SLC9A9: variants seen among roughly 807,000 people sequenced by gnomAD.
SLC9A9 encodes sodium/hydrogen exchanger 9.
Under a neutral mutation model 77.8 loss-of-function variants are expected in SLC9A9, and 62 were observed. That is an observed-to-expected ratio of 0.80 (90% CI 0.65 to 0.98). The LOEUF is 0.98. SLC9A9 is among the 50% of genes least tolerant of loss of function. The probability of loss-of-function intolerance (pLI) is 0.00; values close to 1 mark genes in which losing one functional copy is unlikely to be tolerated. For missense variants in SLC9A9, 775 were observed against 774.9 expected, an observed-to-expected ratio of 1.00 and a Z score of 0.00; for synonymous variants, 320 against 283.5, an observed-to-expected ratio of 1.13 and a Z score of -1.29.
intron 13 of SLC9A9, among the ~76,000 whole-genome samples, chr3:143,375,293 C>G (rs1429657850): frequency 7.1e-6 from 1 of 139,958 alleles, no homozygotes; most frequent in Non-Finnish European, 1.5e-5. Flanking sequence ...ATTAGAGGTG[C>G]CATTTTTTCA....
At chr3:143,593,140 A>T (rs1236301983) in intron 6 of SLC9A9, among the ~76,000 whole-genome samples, 3 of 152,184 alleles carry the variant, frequency 2.0e-5, no homozygotes, top group Non-Finnish European at 1.5e-5. Context: ...ACGGTTCATA[A>T]AGAAGAAAGG....
intron 14 of SLC9A9, among the ~76,000 whole-genome samples, chr3:143,283,228 C>A (rs769027602): frequency 6.6e-6 from 1 of 152,106 alleles, no homozygotes; most frequent in Non-Finnish European, 1.5e-5. Context: ...TTATTTTGGA[C>A]TTAGTTGATA....
chr3:143,554,160 T>C (rs1432747819), intron 8 of SLC9A9, among the ~76,000 whole-genome samples: 1 of 152,170 alleles, frequency 6.6e-6, no homozygotes, highest in Non-Finnish European at 1.5e-5. Context: ...AGCAAATAAA[T>C]TCATTGTAAG....
Position 143,648,974 on chromosome 3 carries a change from T to C in SLC9A9, c.755+3281A>G, listed in dbSNP as rs147463730. Among the ~76,000 whole-genome samples, 270 of 152,312 alleles carry C rather than the reference T, an allele frequency of 1.8e-3. 3 individuals carry two copies. The highest frequency in any genetic ancestry group is 0.014 in the Admixed American group (213 of 15,302). On this transcript the variant is annotated intron_variant, in intron 6 of 15. Coordinates refer to ENST00000316549, the MANE Select transcript of SLC9A9 (RefSeq NM_173653.4). ...CTGTTCATTTCACTGGATCCTTGAC[T>C]AAGCCATTTCTATTACCGGTGTTCA...
At chr3:143,386,738 C>A (rs1273488093) in intron 12 of SLC9A9, among the ~76,000 whole-genome samples, 1 of 152,178 alleles carries the variant, frequency 6.6e-6, no homozygotes, top group African/African-American at 2.4e-5. Context: ...CACAATTGAG[C>A]CACAAGGAGC....
rs779353929 is a variant in SLC9A9 at position 143,832,104 on chromosome 3, G to C, written c.293C>G (p.Thr98Ser). The C allele has an allele frequency of 2.5e-6, 4 of 1,613,108 alleles. No individual in the cohort carries two copies. The South Asian group carries it at 4.4e-5, about 18-fold the overall frequency. Residue 98 changes from threonine to serine, a missense_variant, in exon 2 of 16, where the codon ACT (threonine) becomes AGT (serine). Transcript: ENST00000316549. ...GTATTTATATTCATAAACTTGGTCA[G>C]TGATATTAACCAGCAGAGTTGATGG... ...FSPSTLLVNI[T>S]DQVYEYKYKR...
chr3:143,422,477 C>G (rs2034317928), intron 12 of SLC9A9, among the ~76,000 whole-genome samples: 1 of 152,160 alleles, frequency 6.6e-6, no homozygotes, highest in South Asian at 2.1e-4. Flanking sequence ...GGCCATCATC[C>G]TTAGCGAGTT....
At chr3:143,269,206 A>C (rs766194168) in intron 14 of SLC9A9, among the ~76,000 whole-genome samples, 13 of 152,374 alleles carry the variant, frequency 8.5e-5, no homozygotes, top group Non-Finnish European at 1.9e-4. Context: ...TGGATGGCCC[A>C]TGCTGCATCA....
intron 14 of SLC9A9, among the ~76,000 whole-genome samples, chr3:143,310,127 G>A (rs1213618100): frequency 6.6e-6 from 1 of 152,202 alleles, no homozygotes; most frequent in Non-Finnish European, 1.5e-5. Flanking sequence ...GCCTTCTCCT[G>A]CTGCAGTGCT....
chr3:143,402,198 T>A (rs7624765), intron 12 of SLC9A9, among the ~76,000 whole-genome samples: 90,319 of 151,998 alleles, frequency 0.59, 26,889 homozygotes, highest in South Asian at 0.66. Context: ...ACAGTTTTTT[T>A]AAAAAAATTT....
At chr3:143,820,073 A>C (rs1362564372) in intron 2 of SLC9A9, among the ~76,000 whole-genome samples, 1 of 152,244 alleles carries the variant, frequency 6.6e-6, no homozygotes, top group Non-Finnish European at 1.5e-5. Flanking sequence ...GCCAGACACT[A>C]TTCTAAGTGC....
intron 12 of SLC9A9, among the ~76,000 whole-genome samples, chr3:143,441,979 C>A (rs1332150236): frequency 6.6e-6 from 1 of 151,884 alleles, no homozygotes; most frequent in African/African-American, 2.4e-5. Flanking sequence ...ACCTGACCAC[C>A]CATACCCTTA....
chr3:143,635,425 A>G (rs2038502615), intron 6 of SLC9A9, among the ~76,000 whole-genome samples: 1 of 152,210 alleles, frequency 6.6e-6, no homozygotes, highest in Admixed American at 6.6e-5. Context: ...GCTATGTTTT[A>G]AAACTGCCAC....
At chr3:143,504,166 G>A in intron 9 of SLC9A9, 1 of 352,234 alleles carries the variant, frequency 2.8e-6, no homozygotes, top group Non-Finnish European at 5.5e-6. Context: ...GACAGTGAGG[G>A]GGGTTGTTGA....
chr3:143,813,871 G>A (rs1017032963), intron 2 of SLC9A9, among the ~76,000 whole-genome samples: 3 of 152,188 alleles, frequency 2.0e-5, no homozygotes, highest in African/African-American at 7.2e-5. Flanking sequence ...AGATGTCTGT[G>A]CAGATTAGTT....
At chr3:143,304,959 TG>T (rs2030710932) in intron 14 of SLC9A9, among the ~76,000 whole-genome samples, 2 of 152,168 alleles carry the variant, frequency 1.3e-5, no homozygotes, top group Non-Finnish European at 2.9e-5. Context: ...ACAATTAATT[TG>T]GGTCTATGAA....
At position 143,771,446 on chromosome 3, in the gene SLC9A9, C is replaced by A. The variant is rs146231673; in HGVS notation, c.533+23555G>T. On this transcript the variant is annotated intron_variant, in intron 4 of 15. Transcript: ENST00000316549. ...AGTGCTTAGATTAGATGAAGCCTGC[C>A]TTTCCAGATTAATAATATCTTGTTA... 1.1e-3 allele frequency among the ~76,000 whole-genome samples: 172 copies of A among 152,278 alleles called. 1 individual carries two copies. The highest frequency in any genetic ancestry group is 0.011 in the East Asian group (58 of 5,186).
At chr3:143,377,843 G>T (rs905486104) in intron 13 of SLC9A9, among the ~76,000 whole-genome samples, 2 of 152,168 alleles carry the variant, frequency 1.3e-5, no homozygotes, top group African/African-American at 2.4e-5. Flanking sequence ...GCCCCTGTCT[G>T]TTTCTCCCAC....
chr3:143,470,398 T>A, intron 11 of SLC9A9, among the ~76,000 whole-genome samples: 1 of 151,296 alleles, frequency 6.6e-6, no homozygotes, highest in East Asian at 1.9e-4. Flanking sequence ...GAGAATCACT[T>A]GAACCTGGGA....
Sources: gnomAD v4.1 joint callset for allele counts (sites outside exome capture counted in the v4.1 genomes callset) on GRCh38, gnomAD v4.1.1 for gene constraint, MANE v1.5 for transcripts, NCBI Gene and HGNC (gene_info 2026-07-23, HGNC 2026-07-21) for gene names.